Variants in GRID1 observed in about 807,000 individuals in gnomAD.
GRID1 encodes the protein glutamate receptor ionotropic, delta-1.
A neutral mutation model predicts 98.0 loss-of-function variants in GRID1; 28 were observed. The observed-to-expected ratio is 0.29, with a 90% CI of 0.21 to 0.39. The LOEUF is 0.39. GRID1 is among the 10% of genes least tolerant of loss of function. The probability of loss-of-function intolerance (pLI) is 1.00; values close to 1 mark genes in which losing one functional copy is unlikely to be tolerated. For missense variants in GRID1, 1,111 were observed against 1,340.5 expected, an observed-to-expected ratio of 0.83 and a Z score of 2.67; for synonymous variants, 553 against 538.5, an observed-to-expected ratio of 1.03 and a Z score of -0.37.
chr10:86,113,243 T>C (rs529071626), intron 4 of GRID1, among the ~76,000 whole-genome samples: 1 of 152,090 alleles, frequency 6.6e-6, no homozygotes, highest in Non-Finnish European at 1.5e-5. Flanking sequence ...GAACCCCAAC[T>C]CCTCGTCTAG....
In GRID1 at chr10:86,127,334, C is replaced by T. The variant is rs555021245; in HGVS notation, c.726+11485G>A. Among the ~76,000 whole-genome samples the T allele has an allele frequency of 8.5e-5, 13 of 152,192 alleles. No homozygotes were observed. In the South Asian group the frequency reaches 1.7e-3, roughly 19 times the overall value. On this transcript the variant is annotated intron_variant, in intron 4 of 15. Transcript: ENST00000327946. ...GCCACCGACAGGCTGCTGAGAGATGCCTTCTCATCTGAAGAGTAACTCTGC... is the reference window on the plus strand; with the variant it reads ...GCCACCGACAGGCTGCTGAGAGATGTCTTCTCATCTGAAGAGTAACTCTGC...
At chr10:86,363,621 A>G (rs1024238283) in intron 2 of GRID1, among the ~76,000 whole-genome samples, 1 of 151,896 alleles carries the variant, frequency 6.6e-6, no homozygotes, top group Admixed American at 6.5e-5. Flanking sequence ...AGAAACAAAG[A>G]CTGCCCCGAG....
chr10:85,885,641 G>C (rs1490210804), intron 5 of GRID1, among the ~76,000 whole-genome samples: 1 of 152,110 alleles, frequency 6.6e-6, no homozygotes, highest in Non-Finnish European at 1.5e-5. Context: ...ATCCATTCAG[G>C]CCTCTGATGT....
chr10:85,878,335 G>C (rs1840935566), intron 5 of GRID1, among the ~76,000 whole-genome samples: 1 of 152,142 alleles, frequency 6.6e-6, no homozygotes, highest in Non-Finnish European at 1.5e-5. Flanking sequence ...CACCAAAGTT[G>C]AAATGAAGGA....
intron 2 of GRID1, among the ~76,000 whole-genome samples, chr10:86,220,401 C>T (rs1054212834): frequency 4.1e-4 from 63 of 152,306 alleles, no homozygotes; most frequent in Middle Eastern, 3.4e-3. Context: ...ACCCTGAAAA[C>T]GCGGTTATGA....
At chr10:86,326,253 C>T (rs1848049226) in intron 2 of GRID1, among the ~76,000 whole-genome samples, 2 of 152,212 alleles carry the variant, frequency 1.3e-5, no homozygotes, top group African/African-American at 4.8e-5. Flanking sequence ...AATGGGGAGA[C>T]ACACTATGCC....
At chr10:85,978,229 C>T (rs1245660259) in intron 4 of GRID1, among the ~76,000 whole-genome samples, 2 of 152,172 alleles carry the variant, frequency 1.3e-5, no homozygotes, top group African/African-American at 2.4e-5. Flanking sequence ...AGGGTCAACA[C>T]CATGCAGATG....
intron 2 of GRID1, among the ~76,000 whole-genome samples, chr10:86,222,736 T>C (rs1208906106): frequency 6.6e-6 from 1 of 152,120 alleles, no homozygotes; most frequent in East Asian, 1.9e-4. Flanking sequence ...CAAAACTGCA[T>C]TATGCCATTC....
At chr10:85,764,164 C>G (rs1235940581) in intron 8 of GRID1, among the ~76,000 whole-genome samples, 4 of 152,280 alleles carry the variant, frequency 2.6e-5, no homozygotes, top group Admixed American at 2.6e-4. Flanking sequence ...CCAAAATGCT[C>G]AGTAAATCCT....
At chr10:85,813,021 CA>C (rs1219554987) in intron 8 of GRID1, among the ~76,000 whole-genome samples, 4 of 150,942 alleles carry the variant, frequency 2.7e-5, no homozygotes, top group Non-Finnish European at 5.9e-5. Flanking sequence ...TTGAATAGAA[CA>C]ATAGAAACAA....
rs1279439830 is a variant in GRID1 at position 86,365,686 on chromosome 10, C to G, written c.79+628G>C. Among the ~76,000 whole-genome samples the G allele has an allele frequency of 1.3e-5, 2 of 152,054 alleles. No individual in the cohort carries two copies. The highest frequency in any genetic ancestry group is 2.9e-5 in the Non-Finnish European group (2 of 68,010). On this transcript the variant is annotated intron_variant, in intron 1 of 15. Coordinates refer to ENST00000327946, the MANE Select transcript of GRID1 (RefSeq NM_017551.3). The surrounding 1 kb of genome is among the most constrained non-coding windows in gnomAD (Gnocchi z 4.8). ...ACAACCAGATACACACGCACTCACA[C>G]ATACACCAAGGGCTACACAGACACA...
chr10:86,366,384 C>T lies in GRID1; in HGVS notation c.9G>A (p.Ala3=). The T allele has an allele frequency of 6.6e-7, 1 of 1,507,946 alleles. No individual in the cohort carries two copies. Among genetic ancestry groups the T allele is most frequent in the Non-Finnish European group, 8.9e-7 (1 of 1,125,398 alleles). The allele number at this position is 1,507,946 out of a possible 1,614,324, so 93.4% of individuals were successfully genotyped here. The change falls in exon 1 of 16, where the codon GCG becomes GCA. Residue 3 remains alanine, a synonymous_variant. Coordinates refer to ENST00000327946, the MANE Select transcript of GRID1 (RefSeq NM_017551.3). The surrounding 1 kb of genome is among the most constrained non-coding windows in gnomAD (Gnocchi z 4.1). ...TCCAGGGGAGAAGCCACAGCGTCAG[C>T]GCTTCCATGTCCCCCGGGCGCGCGG... ME[A]LTLWLLPWIC... is the part of the protein sequence containing the mutation.
intron 5 of GRID1, among the ~76,000 whole-genome samples, chr10:85,906,493 T>C (rs905151255): frequency 1.3e-5 from 2 of 152,156 alleles, no homozygotes; most frequent in African/African-American, 2.4e-5. Flanking sequence ...AAAGACAATA[T>C]ACTGGCTATC....
chr10:85,708,080 T>C (rs1841541023), intron 12 of GRID1, among the ~76,000 whole-genome samples: 1 of 151,298 alleles, frequency 6.6e-6, no homozygotes, highest in Non-Finnish European at 1.5e-5. Context: ...AACCTGCACG[T>C]TGTGCACGTG....
At chr10:86,222,158 G>C (rs1298881705) in intron 2 of GRID1, among the ~76,000 whole-genome samples, 1 of 152,162 alleles carries the variant, frequency 6.6e-6, no homozygotes, top group Non-Finnish European at 1.5e-5. Flanking sequence ...CAGGCCTAGA[G>C]GGGGGGCCAC....
intron 2 of GRID1, among the ~76,000 whole-genome samples, chr10:86,250,078 T>C (rs1589426221): frequency 6.6e-6 from 1 of 151,894 alleles, no homozygotes; most frequent in African/African-American, 2.4e-5. Flanking sequence ...GGTGGGTGGA[T>C]AGATGGATGG....
chr10:86,123,497 C>T (rs537323921), intron 4 of GRID1, among the ~76,000 whole-genome samples: 1 of 152,336 alleles, frequency 6.6e-6, no homozygotes, highest in East Asian at 1.9e-4. Context: ...CACACCCACA[C>T]ATGTCCACAC....
At chr10:85,629,408 A>C (rs1335195701) in intron 13 of GRID1, among the ~76,000 whole-genome samples, 1 of 139,244 alleles carries the variant, frequency 7.2e-6, no homozygotes, top group Non-Finnish European at 1.5e-5. Context: ...CCAAGTCTCT[A>C]ATGTCTATTA....
intron 13 of GRID1, among the ~76,000 whole-genome samples, chr10:85,624,513 T>TAA (rs991590405): frequency 3.9e-5 from 6 of 152,236 alleles, no homozygotes; most frequent in African/African-American, 1.4e-4. Context: ...CAGGACTAGA[T>TAA]ACGGAGTCCT....
Sources: gnomAD v4.1 joint callset for allele counts (sites outside exome capture counted in the v4.1 genomes callset) on GRCh38, gnomAD v4.1.1 for gene constraint, Gnocchi (gnomAD v3.1) non-coding constraint, MANE v1.5 for transcripts, NCBI Gene and HGNC (gene_info 2026-07-23, HGNC 2026-07-21) for gene names.